Variants in NEK11 observed in about 807,000 individuals in gnomAD.
The protein encoded by NEK11 is serine/threonine-protein kinase Nek11.
NEK11 carries 72 observed loss-of-function variants against 80.7 expected under a neutral mutation model. The ratio of observed to expected loss-of-function variants is 0.89; its 90% CI spans 0.74 to 1.08. NEK11 has a LOEUF of 1.08. Among genes scored for constraint, NEK11 ranks in the 50% least tolerant of loss-of-function variants. The pLI, the probability that NEK11 is intolerant of heterozygous loss-of-function variation, is 0.00. For missense variants in NEK11, 764 were observed against 763.6 expected, an observed-to-expected ratio of 1.00 and a Z score of -0.01; for synonymous variants, 251 against 260.7, an observed-to-expected ratio of 0.96 and a Z score of 0.36.
At chr3:131,159,474 A>T (rs1348663156) in intron 10 of NEK11, among the ~76,000 whole-genome samples, 1 of 152,230 alleles carries the variant, frequency 6.6e-6, no homozygotes, top group Non-Finnish European at 1.5e-5. Context: ...ACCACACTGT[A>T]AGAATTTCAG....
intron 14 of NEK11, among the ~76,000 whole-genome samples, chr3:131,188,533 CCTT>C (rs1325375324): frequency 6.6e-6 from 1 of 152,010 alleles, no homozygotes; most frequent in East Asian, 1.9e-4. Context: ...TTCTGGAGTC[CCTT>C]CTTTTAGGAA....
At chr3:131,093,823 A>T (rs1433952580) in intron 4 of NEK11, among the ~76,000 whole-genome samples, 1 of 152,078 alleles carries the variant, frequency 6.6e-6, no homozygotes, top group Non-Finnish European at 1.5e-5. Context: ...CATAGTCAAC[A>T]TTCAGTCTAG....
At chr3:131,137,258 C>T (rs1426118111) in intron 7 of NEK11, among the ~76,000 whole-genome samples, 1 of 152,136 alleles carries the variant, frequency 6.6e-6, no homozygotes, top group African/African-American at 2.4e-5. Flanking sequence ...TAGAAGAAAA[C>T]AGAGAAGAAC....
At position 131,245,116 on chromosome 3, in the gene NEK11, A is replaced by G. The variant is rs191621238; in HGVS notation, c.1621+1620A>G. 2.7e-3 allele frequency among the ~76,000 whole-genome samples: 413 copies of G among 152,064 alleles called. 3 individuals are homozygous for G. Among genetic ancestry groups the G allele is most frequent in the East Asian group, 0.013 (68 of 5,148 alleles). ...AACTTCCCACTCTTCTGAGTCTCCA[A>G]CGTCCGTTACTCCACACTGTATATC... is the stretch of plus-strand genomic sequence containing the variant. On this transcript the variant is annotated intron_variant, in intron 16 of 17. Coordinates refer to ENST00000383366, the MANE Select transcript of NEK11 (RefSeq NM_024800.5).
chr3:131,260,971 C>T (rs1377351636), intron 16 of NEK11, among the ~76,000 whole-genome samples: 1 of 152,112 alleles, frequency 6.6e-6, no homozygotes, highest in Non-Finnish European at 1.5e-5. Flanking sequence ...CTTTATTACC[C>T]ACATGGCAGG....
chr3:131,070,830 A>G (rs1171461058), intron 3 of NEK11, among the ~76,000 whole-genome samples: 2 of 152,306 alleles, frequency 1.3e-5, no homozygotes, highest in East Asian at 3.9e-4. Context: ...TCCTCCTTCA[A>G]GAGGTAAATG....
intron 16 of NEK11, among the ~76,000 whole-genome samples, chr3:131,247,976 A>T (rs2095633321): frequency 6.6e-6 from 1 of 151,942 alleles, no homozygotes; most frequent in Admixed American, 6.6e-5. Flanking sequence ...TAATTTGTTC[A>T]TCTAATCTAA....
chr3:131,211,317 G>C (rs981219162), intron 14 of NEK11, among the ~76,000 whole-genome samples: 3 of 152,186 alleles, frequency 2.0e-5, no homozygotes, highest in Non-Finnish European at 4.4e-5. Flanking sequence ...CTGGCTTGTA[G>C]AGTTTCTGCT....
intron 4 of NEK11, among the ~76,000 whole-genome samples, chr3:131,083,254 T>C (rs2075539064): frequency 6.6e-6 from 1 of 152,236 alleles, no homozygotes; most frequent in South Asian, 2.1e-4. Flanking sequence ...AAGATTTTTG[T>C]TGTTGTTGCA....
intron 12 of NEK11, among the ~76,000 whole-genome samples, chr3:131,166,297 G>A (rs1220541156): frequency 6.6e-6 from 1 of 152,184 alleles, no homozygotes; most frequent in African/African-American, 2.4e-5. Context: ...CTCTCCTTTA[G>A]CAGGAAGCAC....
Position 131,029,874 on chromosome 3 carries a change from GA to G in NEK11, c.168del (p.Glu56AspfsTer2). ...AGACAAGAAAGCCAAACGAGGAGAG[GA>G]ATTGTAAGTAAAAATGCTTCCTATG... ...VSDKKAKRGE[E>X]LKVLKEISVG... On this transcript the variant is annotated frameshift_variant, in exon 3 of 18. Coordinates refer to ENST00000383366, the MANE Select transcript of NEK11 (RefSeq NM_024800.5). LOFTEE classifies it high-confidence loss of function. 6.2e-7 allele frequency: 1 copy of G among 1,614,122 alleles called. No homozygotes were observed. Among genetic ancestry groups the G allele is most frequent in the Non-Finnish European group, 8.5e-7 (1 of 1,179,994 alleles).
chr3:131,320,787 C>T (rs947946979), intron 17 of NEK11, among the ~76,000 whole-genome samples: 2 of 152,092 alleles, frequency 1.3e-5, no homozygotes, highest in Non-Finnish European at 1.5e-5. Context: ...GGGAATATAT[C>T]TAACAGAGGA....
At chr3:131,030,751 G>A (rs1372959230) in intron 3 of NEK11, among the ~76,000 whole-genome samples, 1 of 152,042 alleles carries the variant, frequency 6.6e-6, no homozygotes, top group Admixed American at 6.5e-5. Context: ...GATTATGATC[G>A]GACCCTCTAC....
In NEK11 at chr3:131,041,086, T is replaced by C. The variant is rs114854706; in HGVS notation, c.170+11208T>C. Reference sequence around the variant, plus strand: ...AATGCATACACTGTGAGTTTGGGGATAATATCGGCCAATCCACTTTTTGCA... The same window carrying C: ...AATGCATACACTGTGAGTTTGGGGACAATATCGGCCAATCCACTTTTTGCA... On this transcript the variant is annotated intron_variant, in intron 3 of 17. Coordinates refer to ENST00000383366, the MANE Select transcript of NEK11 (RefSeq NM_024800.5). 1.9e-3 allele frequency among the ~76,000 whole-genome samples: 295 copies of C among 152,352 alleles called. 1 individual carries two copies. Among genetic ancestry groups the C allele is most frequent in the African/African-American group, 6.7e-3 (277 of 41,572 alleles).
chr3:131,337,342 A>G (rs138458868), intron 17 of NEK11, among the ~76,000 whole-genome samples: 17,898 of 151,792 alleles, frequency 0.12, 1,492 homozygotes, highest in East Asian at 0.3. Flanking sequence ...GGAAATCATC[A>G]TTCTCAGTAA....
chr3:131,039,136 A>G (rs1235707898), intron 3 of NEK11, among the ~76,000 whole-genome samples: 2 of 152,170 alleles, frequency 1.3e-5, no homozygotes, highest in African/African-American at 4.8e-5. Flanking sequence ...AGTGCAAAAA[A>G]TGCAAGAGCA....
intron 17 of NEK11, among the ~76,000 whole-genome samples, chr3:131,342,923 G>C (rs895887898): frequency 6.6e-6 from 1 of 151,930 alleles, no homozygotes; most frequent in Non-Finnish European, 1.5e-5. Flanking sequence ...TTTTAAAAAA[G>C]AAAAAATATA....
chr3:131,027,753 TG>T, intron 1 of NEK11, 176 bp from the exon 2 acceptor site: 1 of 15,986 alleles, frequency 6.3e-5, no homozygotes, highest in Non-Finnish European at 1.2e-4. Flanking sequence ...TGGACTGGGA[TG>T]GGGGTGGCAG....
chr3:131,190,112 T>C (rs2093736935), intron 14 of NEK11, among the ~76,000 whole-genome samples: 1 of 152,216 alleles, frequency 6.6e-6, no homozygotes. Flanking sequence ...GGTATTTTGC[T>C]AGTCATTTTG....
Sources: allele counts gnomAD v4.1 joint callset (sites outside exome capture counted in the v4.1 genomes callset), GRCh38; gene constraint gnomAD v4.1.1; transcripts MANE v1.5; gene names NCBI Gene and HGNC (gene_info 2026-07-23, HGNC 2026-07-21).